The following COBL variants were observed in gnomAD, a reference collection of about 807,000 sequenced individuals.
The protein encoded by COBL is protein cordon-bleu.
In COBL, 51 loss-of-function variants were observed where a neutral mutation model predicts 98.8. The observed-to-expected ratio is 0.52, with a 90% confidence interval of 0.41 to 0.65. The LOEUF is 0.65. COBL is among the 30% of genes least tolerant of loss of function. The pLI is 0.00. For missense variants in COBL, 1,617 were observed against 1,617.5 expected, an observed-to-expected ratio of 1.00 and a Z score of 0.01; for synonymous variants, 634 against 651.7, an observed-to-expected ratio of 0.97 and a Z score of 0.41.
intron 5 of COBL, among the ~76,000 whole-genome samples, chr7:51,146,443 C>T (rs929051332): frequency 1.3e-5 from 2 of 152,166 alleles, no homozygotes; most frequent in Admixed American, 6.5e-5. Flanking sequence ...ACCTTCAAAG[C>T]GATCGGCAGT....
At chr7:51,150,051 G>C (rs1785415096) in intron 5 of COBL, among the ~76,000 whole-genome samples, 1 of 152,154 alleles carries the variant, frequency 6.6e-6, no homozygotes, top group Non-Finnish European at 1.5e-5. Context: ...GCATGCACAA[G>C]TTCTCATACA....
Position 51,050,971 on chromosome 7 carries a change from A to T in COBL, c.1097-7279T>A, listed in dbSNP as rs900671700. ...TATAGGAACCATTATTTTATATTAAATTACATATTAAATTGGACAGCTACA... is the reference window on the plus strand; with the variant it reads ...TATAGGAACCATTATTTTATATTAATTTACATATTAAATTGGACAGCTACA... On this transcript the variant is annotated intron_variant, in intron 7 of 12. Transcript: ENST00000265136. Among the ~76,000 whole-genome samples the T allele has an allele frequency of 2.0e-5, 3 of 152,194 alleles. No individual in the cohort carries two copies. The South Asian group carries it at 6.2e-4, about 32-fold the overall frequency.
rs900492643 is a variant in COBL at position 51,017,177 on chromosome 7, T to A, written c.*374A>T. 1 of 481,660 alleles carries A rather than the reference T, an allele frequency of 2.1e-6. No homozygotes were observed. The highest frequency in any genetic ancestry group is 3.6e-6 in the Non-Finnish European group (1 of 276,088). The allele number at this position is 481,660 out of a possible 1,614,324, so 29.8% of individuals were successfully genotyped here. ...AGTAGTTTCATCCATCTGTATGTGG[T>A]AAAAGTCTCAAAGGTCCAAAATCAG... On this transcript the variant is annotated 3_prime_UTR_variant, in exon 13 of 13. Coordinates refer to ENST00000265136, the MANE Select transcript of COBL (RefSeq NM_015198.5).
At chr7:51,171,088 C>T (rs887211457) in intron 5 of COBL, among the ~76,000 whole-genome samples, 1 of 151,990 alleles carries the variant, frequency 6.6e-6, no homozygotes, top group Admixed American at 6.5e-5. Context: ...TTTTAAAGAG[C>T]CATTGCCACA....
chr7:51,134,151 A>G (rs1319575460), intron 6 of COBL, among the ~76,000 whole-genome samples: 2 of 152,208 alleles, frequency 1.3e-5, no homozygotes, highest in Non-Finnish European at 2.9e-5. Context: ...CTTCCCCAAC[A>G]ACGACGACAA....
chr7:51,291,772 T>G (rs1800924965), intron 1 of COBL, among the ~76,000 whole-genome samples: 1 of 147,840 alleles, frequency 6.8e-6, no homozygotes, highest in East Asian at 2.0e-4. Flanking sequence ...AAAAAAAAAG[T>G]AAGATTTATC....
chr7:51,282,064 A>C (rs1799865397), intron 1 of COBL, among the ~76,000 whole-genome samples: 1 of 152,148 alleles, frequency 6.6e-6, no homozygotes, highest in African/African-American at 2.4e-5. Context: ...AAATCCCAGT[A>C]GATACATTAA....
chr7:51,243,865 C>T (rs907260474), intron 1 of COBL, among the ~76,000 whole-genome samples: 2 of 151,974 alleles, frequency 1.3e-5, no homozygotes, highest in African/African-American at 2.4e-5. Flanking sequence ...GGCGGGCACC[C>T]GTGCCAGTGT....
At chr7:51,045,548 C>T (rs1444468296) in intron 7 of COBL, among the ~76,000 whole-genome samples, 3 of 152,176 alleles carry the variant, frequency 2.0e-5, no homozygotes, top group Non-Finnish European at 4.4e-5. Context: ...GCTGGTTTAG[C>T]CTGGCTTACC....
intron 6 of COBL, among the ~76,000 whole-genome samples, chr7:51,126,218 T>A (rs931095229): frequency 6.6e-6 from 1 of 151,946 alleles, no homozygotes; most frequent in Non-Finnish European, 1.5e-5. Flanking sequence ...ATCCCAGCAG[T>A]ATGGGAGGCT....
At position 51,029,276 on chromosome 7, in the gene COBL, A is replaced by C. The variant is rs1331552640; in HGVS notation, c.1820T>G (p.Val607Gly). ...TAAGGCCACACGGATTCCTTTTCCG[A>C]CGTCATGGGAAGCGGGGTGCAGGGC... Reference protein sequence around the residue: ...VPALHPASHDVGKGIRVALSN... With the variant: ...VPALHPASHDGGKGIRVALSN... The change falls in exon 10 of 13, where the codon GTC (valine) becomes GGC (glycine). Residue 607 changes from valine to glycine, a missense_variant. Val to Gly is a moderately radical substitution (Grantham distance 109). This residue lies in a region of COBL where 1,304 missense variants were observed against 1,282.0 expected (regional missense o/e 1.02). Transcript: ENST00000265136. 1 of 1,608,066 alleles carries C rather than the reference A, an allele frequency of 6.2e-7. No individual in the cohort carries two copies. The highest frequency in any genetic ancestry group is 8.5e-7 in the Non-Finnish European group (1 of 1,176,558).
chr7:51,146,099 T>C (rs566721330), intron 5 of COBL, among the ~76,000 whole-genome samples: 1 of 152,366 alleles, frequency 6.6e-6, no homozygotes, highest in African/African-American at 2.4e-5. Context: ...TGATTTCATA[T>C]GCATGGGTTT....
intron 1 of COBL, among the ~76,000 whole-genome samples, chr7:51,288,595 A>T (rs1172621621): frequency 6.6e-6 from 1 of 151,830 alleles, no homozygotes; most frequent in Non-Finnish European, 1.5e-5. Context: ...TCTACTAAAA[A>T]TACAGTAATT....
chr7:51,026,861 G>A (rs1263045944), intron 10 of COBL, among the ~76,000 whole-genome samples, 196 bp from the exon 11 acceptor site: 2 of 152,012 alleles, frequency 1.3e-5, no homozygotes, highest in African/African-American at 2.4e-5. Context: ...TTGTGCCACT[G>A]TACTCCAGCC....
rs191291986 is a variant in COBL, at chr7:51,281,892, T to A, written c.41+34701A>T. Among the ~76,000 whole-genome samples, 79 of 152,172 alleles carry A rather than the reference T, an allele frequency of 5.2e-4. No individual in the cohort carries two copies. In the South Asian group the frequency reaches 9.5e-3, roughly 18 times the overall value. ...CAATACATGATTCTTCTTTTTTGAGTTCTTTAAAATGTAGATGTAACACAT... is the reference window on the plus strand; with the variant it reads ...CAATACATGATTCTTCTTTTTTGAGATCTTTAAAATGTAGATGTAACACAT... On this transcript the variant is annotated intron_variant, in intron 1 of 12. Transcript: ENST00000265136.
At chr7:51,139,411 A>G (rs1156690377) in intron 5 of COBL, among the ~76,000 whole-genome samples, 1 of 152,188 alleles carries the variant, frequency 6.6e-6, no homozygotes, top group Non-Finnish European at 1.5e-5. Context: ...GATATTGATT[A>G]TCTTCAGACA....
chr7:51,025,295 C>T lies in COBL; in HGVS notation c.3582G>A (p.Leu1194=), dbSNP rs147224749. 7 of 1,612,046 alleles carry T rather than the reference C, an allele frequency of 4.3e-6. No individual in the cohort carries two copies. Among genetic ancestry groups the T allele is most frequent in the Non-Finnish European group, 5.9e-6 (7 of 1,179,588 alleles). The part of the protein sequence containing the change: ...ALSAQGSESP[L]LEDLGLLSPP... ...GGGACAGAAGACCAAGGTCTTCTAG[C>T]AGAGGACTTTCCGAGCCCTGAGCAG... The change falls in exon 12 of 13, where the codon CTG becomes CTA. Residue 1194 remains leucine (L), a synonymous_variant. Transcript: ENST00000265136.
At chr7:51,144,527 G>C (rs1233831191) in intron 5 of COBL, among the ~76,000 whole-genome samples, 2 of 152,154 alleles carry the variant, frequency 1.3e-5, no homozygotes, top group Non-Finnish European at 2.9e-5. Context: ...TTTAAATTAT[G>C]ATAACAAAAT....
chr7:51,312,336 CA>C (rs1249587240), intron 1 of COBL, among the ~76,000 whole-genome samples: 1 of 151,546 alleles, frequency 6.6e-6, no homozygotes, highest in African/African-American at 2.4e-5. Flanking sequence ...GTCCCCCCAC[CA>C]AAAAAATAAA....
Sources: gnomAD v4.1 joint callset for allele counts (sites outside exome capture counted in the v4.1 genomes callset) on GRCh38, gnomAD v4.1.1 for gene constraint, gnomAD v4.1.1 regional missense constraint, MANE v1.5 for transcripts, NCBI Gene and HGNC (gene_info 2026-07-23, HGNC 2026-07-21) for gene names.